CRYL1: variants seen among roughly 807,000 people sequenced by gnomAD.
The protein encoded by CRYL1 is crystallin lambda 1, also known as lambda-crystallin homolog.
In CRYL1, 29 loss-of-function variants were observed where a neutral mutation model predicts 36.6. The observed-to-expected ratio is 0.79, with a 90% confidence interval of 0.59 to 1.08. The LOEUF is 1.08. Among genes scored for constraint, CRYL1 ranks in the 50% least tolerant of loss-of-function variants. The pLI, the probability that CRYL1 is intolerant of heterozygous loss-of-function variation, is 0.00. For missense variants in CRYL1, 411 were observed against 407.9 expected, an observed-to-expected ratio of 1.01 and a Z score of -0.06; for synonymous variants, 152 against 151.5, an observed-to-expected ratio of 1.00 and a Z score of -0.02.
chr13:20,426,880 C>T, intron 5 of CRYL1: 1 of 985,526 alleles, frequency 1.0e-6, no homozygotes, highest in Non-Finnish European at 1.2e-6. Flanking sequence ...AACTCAATCT[C>T]TGCGGCCCAG....
chr13:20,511,473 G>C (rs913907863), intron 2 of CRYL1, among the ~76,000 whole-genome samples: 4 of 152,138 alleles, frequency 2.6e-5, no homozygotes, highest in Non-Finnish European at 5.9e-5. Context: ...TAACTTCTCT[G>C]TGTTCAAGTT....
In CRYL1 at chr13:20,481,310, T is replaced by C. The variant is rs1879936794; in HGVS notation, c.276+8060A>G. ...CACACAAGCCACGTCAAATTCATTT[T>C]ACTCTGTGAAAGAAACCAAACTCAA... On this transcript the variant is annotated intron_variant, in intron 3 of 7. Coordinates refer to ENST00000298248, the MANE Select transcript of CRYL1 (RefSeq NM_015974.3). The surrounding 1 kb of genome is among the most constrained non-coding windows in gnomAD (Gnocchi z 4.1). Among the ~76,000 whole-genome samples the C allele has an allele frequency of 6.6e-6, 1 of 152,240 alleles. No homozygotes were observed. The highest frequency in any genetic ancestry group is 1.5e-5 in the Non-Finnish European group (1 of 68,050).
At chr13:20,444,779 C>T (rs1439517173) in intron 3 of CRYL1, among the ~76,000 whole-genome samples, 5 of 152,176 alleles carry the variant, frequency 3.3e-5, no homozygotes, top group East Asian at 1.9e-4. Context: ...TGCAGTGGTG[C>T]GATCTCGGCT....
At chr13:20,491,336 T>C (rs2137475721) in intron 2 of CRYL1, among the ~76,000 whole-genome samples, 1 of 152,340 alleles carries the variant, frequency 6.6e-6, no homozygotes, top group South Asian at 2.1e-4. Flanking sequence ...ACAGCTATCT[T>C]ATTTTGGACA....
At chr13:20,492,064 G>GCAGA (rs2033524394) in intron 2 of CRYL1, among the ~76,000 whole-genome samples, 1 of 152,168 alleles carries the variant, frequency 6.6e-6, no homozygotes, top group African/African-American at 2.4e-5. Context: ...AAAAGGAAAC[G>GCAGA]CAGACATTCA....
intron 4 of CRYL1, among the ~76,000 whole-genome samples, chr13:20,432,597 A>C (rs996736025): frequency 6.6e-6 from 1 of 152,168 alleles, no homozygotes; most frequent in South Asian, 2.1e-4. Context: ...TGGCCTCCCC[A>C]GGACAGAGTT....
At chr13:20,518,935 A>G (rs151106598) in intron 1 of CRYL1, among the ~76,000 whole-genome samples, 3 of 152,362 alleles carry the variant, frequency 2.0e-5, no homozygotes, top group Non-Finnish European at 4.4e-5. Flanking sequence ...CTGCTGGGAA[A>G]GACTAGCAAT....
At chr13:20,445,719 T>A (rs73443946) in intron 3 of CRYL1, among the ~76,000 whole-genome samples, 8,617 of 152,232 alleles carry the variant, frequency 0.057, 844 homozygotes, top group African/African-American at 0.2. Flanking sequence ...ATAACTATAA[T>A]TAAGATGTTT....
intron 2 of CRYL1, among the ~76,000 whole-genome samples, chr13:20,507,856 T>C (rs2033829833): frequency 6.6e-6 from 1 of 150,596 alleles, no homozygotes. Flanking sequence ...AGGCGGAGCT[T>C]GCAGTGAGCC....
At chr13:20,507,274 T>C (rs1477163362) in intron 2 of CRYL1, among the ~76,000 whole-genome samples, 1 of 152,252 alleles carries the variant, frequency 6.6e-6, no homozygotes, top group African/African-American at 2.4e-5. Flanking sequence ...CTGAAAATTA[T>C]ACGAACAAAG....
chr13:20,411,627 T>A (rs1362190076), intron 6 of CRYL1, among the ~76,000 whole-genome samples: 4 of 152,230 alleles, frequency 2.6e-5, no homozygotes, highest in African/African-American at 9.7e-5. Flanking sequence ...GCTCACAAGT[T>A]TTGAGGTTCT....
intron 3 of CRYL1, among the ~76,000 whole-genome samples, chr13:20,466,766 C>G (rs2032944465): frequency 6.6e-6 from 1 of 151,148 alleles, no homozygotes; most frequent in African/African-American, 2.4e-5. Flanking sequence ...ATTACAAACC[C>G]TAACTATGCA....
At position 20,505,359 on chromosome 13, in the gene CRYL1, C is replaced by CAAAAAAAAAAAA. The variant is rs61380702; in HGVS notation, c.149+7072_149+7083dup. Among the ~76,000 whole-genome samples the CAAAAAAAAAAAA allele has an allele frequency of 2.5e-4, 23 of 91,218 alleles. 2 individuals are homozygous for CAAAAAAAAAAAA. The highest frequency in any genetic ancestry group is 1.1e-3 in the East Asian group (3 of 2,694). 59.8% of individuals were successfully genotyped at this position (91,218 alleles called of 152,430 possible). ...GCAACAAAGTGAGACTCTATCCCAC[C>CAAAAAAAAAAAA]AAAAAAAAAAAAAAAAAAAAAAATC... is the stretch of plus-strand genomic sequence containing the variant. On this transcript the variant is annotated intron_variant, in intron 2 of 7. Coordinates refer to ENST00000298248, the MANE Select transcript of CRYL1 (RefSeq NM_015974.3).
chr13:20,514,605 A>T (rs952799854), intron 1 of CRYL1, among the ~76,000 whole-genome samples: 12 of 152,220 alleles, frequency 7.9e-5, no homozygotes, highest in African/African-American at 2.9e-4. Flanking sequence ...AAATCTGAAT[A>T]AAATGTGAAT....
intron 3 of CRYL1, among the ~76,000 whole-genome samples, chr13:20,461,683 T>C (rs2032821448): frequency 6.6e-6 from 1 of 151,952 alleles, no homozygotes; most frequent in South Asian, 2.1e-4. Context: ...CTCAGGATCA[T>C]GGAAACAACT....
intron 2 of CRYL1, among the ~76,000 whole-genome samples, chr13:20,496,250 G>A (rs1054908233): frequency 2.0e-5 from 3 of 152,182 alleles, no homozygotes; most frequent in Non-Finnish European, 4.4e-5. Flanking sequence ...GGGGCTGGCA[G>A]AGGCACAAAA....
intron 3 of CRYL1, among the ~76,000 whole-genome samples, chr13:20,465,123 G>T (rs184551517): frequency 4.6e-4 from 70 of 152,314 alleles, no homozygotes; most frequent in African/African-American, 1.7e-3. Flanking sequence ...TCCTGTACAA[G>T]CACTGTAAGG....
intron 5 of CRYL1, 162 bp downstream of exon 5, chr13:20,431,940 C>T: frequency 2.0e-6 from 3 of 1,536,442 alleles, no homozygotes; most frequent in Non-Finnish European, 2.6e-6. Flanking sequence ...TAAAGCTGGC[C>T]CTTGGTCTCC....
chr13:20,431,753 T>C (rs2032064830), intron 5 of CRYL1: 2 of 1,201,648 alleles, frequency 1.7e-6, no homozygotes, highest in Non-Finnish European at 2.1e-6. Context: ...TGAAAAATTA[T>C]AACACTGAGG....
Sources: allele counts gnomAD v4.1 joint callset (sites outside exome capture counted in the v4.1 genomes callset), GRCh38; gene constraint gnomAD v4.1.1; non-coding constraint Gnocchi (gnomAD v3.1); transcripts MANE v1.5; gene names NCBI Gene and HGNC (gene_info 2026-07-23, HGNC 2026-07-21).